The following MCC variants were observed in gnomAD, a reference collection of about 807,000 sequenced individuals.
The protein encoded by MCC is colorectal mutant cancer protein.
In MCC, 90 loss-of-function variants were observed where a neutral mutation model predicts 116.2. The ratio of observed to expected loss-of-function variants is 0.77; its 90% confidence interval spans 0.65 to 0.92. The LOEUF (loss-of-function observed/expected upper bound fraction) is 0.92, where lower values mean the gene tolerates loss of function less well. MCC is among the 40% of genes least tolerant of loss of function. The probability of loss-of-function intolerance (pLI) is 0.00; values close to 1 mark genes in which losing one functional copy is unlikely to be tolerated. For missense variants in MCC, 1,516 were observed against 1,312.2 expected (o/e 1.16, Z -2.40); for synonymous variants, 578 against 510.5 (o/e 1.13, Z -1.78).
At chr5:113,204,205 CAAG>C (rs1465279939) in intron 3 of MCC, among the ~76,000 whole-genome samples, 1 of 152,140 alleles carries the variant, frequency 6.6e-6, no homozygotes, top group African/African-American at 2.4e-5. Context: ...TGGGCAAGAA[CAAG>C]AAGGCCAAGG....
At chr5:113,043,859 A>G (rs954023188) in intron 16 of MCC, among the ~76,000 whole-genome samples, 1 of 152,222 alleles carries the variant, frequency 6.6e-6, no homozygotes, top group African/African-American at 2.4e-5. Context: ...TGGGGATGAC[A>G]CCCAGTATGC....
At chr5:113,129,140 T>C (rs1010429161) in intron 5 of MCC, among the ~76,000 whole-genome samples, 2 of 151,996 alleles carry the variant, frequency 1.3e-5, no homozygotes, top group African/African-American at 4.8e-5. Context: ...ATCACAGAGA[T>C]AGGAGGGGTC....
At chr5:113,175,204 A>C (rs1303949860) in intron 3 of MCC, among the ~76,000 whole-genome samples, 1 of 152,200 alleles carries the variant, frequency 6.6e-6, no homozygotes, top group Non-Finnish European at 1.5e-5. Flanking sequence ...CATGTCAATA[A>C]ATTTTGAAAA....
intron 3 of MCC, among the ~76,000 whole-genome samples, chr5:113,322,563 C>G (rs978488043): frequency 2.0e-5 from 3 of 152,172 alleles, no homozygotes; most frequent in African/African-American, 7.2e-5. Context: ...CTACAAACAT[C>G]CAATTATTCA....
chr5:113,094,086 GC>G (rs1440480357), intron 8 of MCC, among the ~76,000 whole-genome samples: 10 of 149,780 alleles, frequency 6.7e-5, no homozygotes, highest in African/African-American at 2.5e-4. Flanking sequence ...TAGATATTTT[GC>G]CGAGAACCAC....
intron 3 of MCC, among the ~76,000 whole-genome samples, chr5:113,156,548 T>C (rs992595930): frequency 6.6e-6 from 1 of 152,208 alleles, no homozygotes; most frequent in Non-Finnish European, 1.5e-5. Context: ...AAGAAGCCAA[T>C]AGCTGCGTTG....
At chr5:113,143,469 C>T (rs1759311234) in intron 4 of MCC, 109 bp from the exon 5 acceptor site, 3 of 1,160,896 alleles carry the variant, frequency 2.6e-6, no homozygotes, top group Admixed American at 2.4e-5. Flanking sequence ...ACTGAGTATG[C>T]CCCAAATAAA....
chr5:113,030,769 G>A (rs1182055495), intron 17 of MCC, among the ~76,000 whole-genome samples: 2 of 152,168 alleles, frequency 1.3e-5, no homozygotes, highest in African/African-American at 2.4e-5. Flanking sequence ...TGCCATTTTT[G>A]TAAAAACTGA....
chr5:113,124,749 C>T (rs1561376707), intron 5 of MCC, among the ~76,000 whole-genome samples: 1 of 152,220 alleles, frequency 6.6e-6, no homozygotes, highest in Non-Finnish European at 1.5e-5. Context: ...AGTAGGTTTT[C>T]TGTGTCACAA....
chr5:113,111,406 A>C (rs1365338323), intron 6 of MCC, among the ~76,000 whole-genome samples: 2 of 152,176 alleles, frequency 1.3e-5, no homozygotes, highest in Admixed American at 1.3e-4. Context: ...AGAGACAATG[A>C]ATGTGTGTGC....
intron 1 of MCC, among the ~76,000 whole-genome samples, chr5:113,486,351 G>A (rs1327762328): frequency 1.3e-5 from 2 of 152,110 alleles, no homozygotes; most frequent in African/African-American, 4.8e-5. Context: ...AATCCAAAAC[G>A]GCTTCTTTAT....
intron 11 of MCC, 99 bp downstream of exon 11, chr5:113,082,761 C>T: frequency 6.9e-7 from 1 of 1,458,872 alleles, no homozygotes; most frequent in Non-Finnish European, 9.3e-7. Flanking sequence ...TGCTCTATGT[C>T]ACAATACATA....
chr5:113,193,228 A>T (rs1762232137), intron 3 of MCC, among the ~76,000 whole-genome samples: 1 of 152,108 alleles, frequency 6.6e-6, no homozygotes, highest in African/African-American at 2.4e-5. Flanking sequence ...CCTTTTGATT[A>T]CACTGGGCCT....
intron 10 of MCC, among the ~76,000 whole-genome samples, 193 bp from the exon 11 acceptor site, chr5:113,083,201 A>G (rs1490425902): frequency 6.6e-6 from 1 of 151,572 alleles, no homozygotes. Flanking sequence ...AAGCAGTAGA[A>G]AAAAAAAACC....
Position 113,082,864 on chromosome 5 carries a change from T to TC in MCC, c.1779dup (p.Asn594GlufsTer2). 6.2e-7 allele frequency: 1 copy of TC among 1,614,046 alleles called. No homozygotes were observed. Among genetic ancestry groups the TC allele is most frequent in the Non-Finnish European group, 8.5e-7 (1 of 1,179,948 alleles). On this transcript the variant is annotated frameshift_variant, in exon 11 of 19. Coordinates refer to ENST00000408903, the MANE Select transcript of MCC (RefSeq NM_001085377.2). LOFTEE classifies it high-confidence loss of function. ...ATCGATACGATCTCTCCTCACCTAT[T>TC]CAGCCGTTCTGTTTCCACCTCAAAC...
Position 113,434,309 on chromosome 5 carries a change from C to T in MCC, c.171-49097G>A. 6.2e-7 allele frequency: 1 copy of T among 1,614,070 alleles called. No individual in the cohort carries two copies. Among genetic ancestry groups the T allele is most frequent in the Non-Finnish European group, 8.5e-7 (1 of 1,179,970 alleles). On this transcript the variant is annotated intron_variant, in intron 1 of 18. Coordinates refer to ENST00000408903, the MANE Select transcript of MCC (RefSeq NM_001085377.2). This position sits in a 1 kb window ranked among gnomAD's most constrained non-coding sequence, Gnocchi z 4.2. ...CCTCTGGGGCCGCATACGCTGGTGA[C>T]CCACAGAAGGTCTTGCTTAATGCCA...
In MCC at chr5:113,029,483, C is replaced by T. The variant is rs142643637; in HGVS notation, c.2757-427G>A. 9.2e-5 allele frequency among the ~76,000 whole-genome samples: 14 copies of T among 151,988 alleles called. No homozygotes were observed. In the East Asian group the frequency reaches 2.5e-3, roughly 27 times the overall value. On this transcript the variant is annotated intron_variant, in intron 17 of 18. Transcript: ENST00000408903. ...CTCAGGTTTAGCAACCTACCTTGAA[C>T]AGGTCCCCACTCATTGAGACCAACA...
rs563073626 is a variant in MCC, at chr5:113,257,710, G to A, written c.627+82809C>T. Among the ~76,000 whole-genome samples, 271 of 152,284 alleles carry A rather than the reference G, an allele frequency of 1.8e-3. 3 individuals carry two copies. The South Asian group carries it at 0.019, about 11-fold the overall frequency. On this transcript the variant is annotated intron_variant, in intron 3 of 18. Transcript: ENST00000408903. ...AGTGCACAAATGGATATGCATGGGG[G>A]TGTGGGTGCTGGGATGTGGGTGTGT...
At chr5:113,390,780 T>C (rs1434416084) in intron 1 of MCC, among the ~76,000 whole-genome samples, 1 of 152,110 alleles carries the variant, frequency 6.6e-6, no homozygotes, top group Non-Finnish European at 1.5e-5. Flanking sequence ...GCAATTTAAG[T>C]AGTAGGTTGC....
Sources: allele counts gnomAD v4.1 joint callset (sites outside exome capture counted in the v4.1 genomes callset), GRCh38; gene constraint gnomAD v4.1.1; non-coding constraint Gnocchi (gnomAD v3.1); transcripts MANE v1.5; gene names NCBI Gene and HGNC (gene_info 2026-07-23, HGNC 2026-07-21).